Variants in CCNB3 observed in about 807,000 individuals in gnomAD.
The protein encoded by CCNB3 is cyclin B3, also known as G2/mitotic-specific cyclin-B3.
CCNB3 carries 12 observed loss-of-function variants against 68.0 expected under a neutral mutation model. The ratio of observed to expected loss-of-function variants is 0.18; its 90% confidence interval spans 0.11 to 0.29. The LOEUF is 0.29. Ranked by LOEUF, CCNB3 falls within the 10% of genes least tolerant of loss-of-function variation. The pLI is 1.00. For missense variants in CCNB3, 904 were observed against 993.1 expected (o/e 0.91, Z 1.21); for synonymous variants, 354 against 388.9 (o/e 0.91, Z 1.06).
At chrX:50,343,994 C>T (rs1015987664) in intron 9 of CCNB3, among the ~76,000 whole-genome samples, 1 of 112,278 alleles carries the variant, frequency 8.9e-6, no homozygotes, top group Non-Finnish European at 1.9e-5. Context: ...TCACCCAGAG[C>T]AACTTCTACT....
intron 11 of CCNB3, 38 bp from the exon 12 acceptor site, chrX:50,351,203 C>T (rs372346691): frequency 3.3e-6 from 4 of 1,205,259 alleles, no homozygotes; most frequent in Non-Finnish European, 4.5e-6. Context: ...CGGTGTGCTT[C>T]CTATAGTAGA....
intron 8 of CCNB3, among the ~76,000 whole-genome samples, chrX:50,321,198 A>G (rs1557216523): frequency 8.9e-6 from 1 of 111,885 alleles, no homozygotes; most frequent in African/African-American, 3.2e-5. Context: ...CCATTACTGA[A>G]TGAAAATGCT....
chrX:50,226,190 A>AATATATATGGAATATATATATTT (rs1935768653), intron 1 of CCNB3, among the ~76,000 whole-genome samples: 3 of 28,647 alleles, frequency 1.0e-4, no homozygotes, highest in East Asian at 9.8e-4. Context: ...TAGATATATA[A>AATATATATGGAATATATATATTT]ATATATATAG....
At chrX:50,297,380 A>C (rs1216356762) in intron 5 of CCNB3, among the ~76,000 whole-genome samples, 16 of 111,912 alleles carry the variant, frequency 1.4e-4, no homozygotes, top group South Asian at 7.5e-4. Context: ...CATTTATTAA[A>C]TAGGGAATCC....
At chrX:50,217,196 G>A (rs1036276996) in intron 1 of CCNB3, among the ~76,000 whole-genome samples, 1 of 105,573 alleles carries the variant, frequency 9.5e-6, no homozygotes, top group African/African-American at 3.5e-5. Flanking sequence ...TTCTATTGGG[G>A]TAGATTTACT....
intron 7 of CCNB3, among the ~76,000 whole-genome samples, chrX:50,312,944 G>A (rs1262624360): frequency 9.0e-6 from 1 of 110,946 alleles, no homozygotes; most frequent in Non-Finnish European, 1.9e-5. Context: ...TTGCCTTGAA[G>A]ACCATAATCC....
intron 8 of CCNB3, among the ~76,000 whole-genome samples, chrX:50,326,440 A>C (rs1557217305): frequency 9.0e-6 from 1 of 111,654 alleles, no homozygotes; most frequent in Admixed American, 9.5e-5. Context: ...ATTTTTTGAC[A>C]TTATTACCCG....
intron 4 of CCNB3, among the ~76,000 whole-genome samples, chrX:50,293,216 A>G (rs1282069762): frequency 3.6e-5 from 4 of 111,153 alleles, no homozygotes; most frequent in African/African-American, 1.3e-4. Flanking sequence ...TCATGGTGAT[A>G]TCCCCCTTAT....
intron 1 of CCNB3, among the ~76,000 whole-genome samples, chrX:50,226,968 AATATATATAGT>A (rs1357957899): frequency 6.6e-5 from 5 of 75,587 alleles, no homozygotes; most frequent in African/African-American, 2.9e-4. Flanking sequence ...ATATATATAG[AATATATATAGT>A]ATATATATAG....
chrX:50,314,412 A>C (rs782754104), intron 8 of CCNB3, among the ~76,000 whole-genome samples: 1 of 111,422 alleles, frequency 9.0e-6, no homozygotes, highest in South Asian at 3.8e-4. Flanking sequence ...ATACTTAATT[A>C]TTATTTTATA....
At chrX:50,303,208 C>A (rs1301228884) in intron 5 of CCNB3, among the ~76,000 whole-genome samples, 2 of 111,538 alleles carry the variant, frequency 1.8e-5, no homozygotes, top group Admixed American at 1.9e-4. Flanking sequence ...GGAAATGGTG[C>A]AATCTTGGCT....
At chrX:50,300,519 G>T (rs1277889995) in intron 5 of CCNB3, among the ~76,000 whole-genome samples, 10 of 111,862 alleles carry the variant, frequency 8.9e-5, no homozygotes, top group African/African-American at 2.9e-4. Context: ...AGTCTGATGG[G>T]CTTCCCTTTG....
At chrX:50,203,419 A>G (rs1385095178), upstream of CCNB3, among the ~76,000 whole-genome samples, 1 of 112,289 alleles carries the variant, frequency 8.9e-6, no homozygotes, top group Non-Finnish European at 1.9e-5. Flanking sequence ...TGATGACACA[A>G]TGACCATTTA....
At chrX:50,345,024 C>T (rs1923329562) in intron 9 of CCNB3, among the ~76,000 whole-genome samples, 1 of 109,276 alleles carries the variant, frequency 9.2e-6, no homozygotes, top group Admixed American at 9.8e-5. Context: ...GCCTTCCTCT[C>T]CTCCCCAAAC....
At chrX:50,296,524 A>G (rs1236807439) in intron 5 of CCNB3, among the ~76,000 whole-genome samples, 2 of 42,028 alleles carry the variant, frequency 4.8e-5, no homozygotes, top group African/African-American at 9.8e-5. Context: ...AATCCAGTCT[A>G]TCATTGTTGG....
At chrX:50,228,844 T>A (rs1295162860) in intron 1 of CCNB3, among the ~76,000 whole-genome samples, 1 of 58,328 alleles carries the variant, frequency 1.7e-5, no homozygotes, top group Non-Finnish European at 3.0e-5. Flanking sequence ...AATACATATA[T>A]AGAATATATA....
intron 1 of CCNB3, among the ~76,000 whole-genome samples, chrX:50,226,422 G>GTAGAATATATAAAAATATATA (rs1935804242): frequency 5.3e-4 from 2 of 3,787 alleles, no homozygotes; most frequent in Non-Finnish European, 9.1e-4. Flanking sequence ...GAATATATAT[G>GTAGAATATATAAAAATATATA]TAGAATATAT....
At chrX:50,220,881 C>T (rs950695334) in intron 1 of CCNB3, among the ~76,000 whole-genome samples, 26 of 111,247 alleles carry the variant, frequency 2.3e-4, no homozygotes, top group South Asian at 1.1e-3. Flanking sequence ...TGGTAGAATG[C>T]GGTTGTGAAT....
chrX:50,294,196 C>T (rs1485203896), intron 4 of CCNB3, among the ~76,000 whole-genome samples: 2 of 111,314 alleles, frequency 1.8e-5, no homozygotes, highest in Non-Finnish European at 3.8e-5. Flanking sequence ...CCACCATGGC[C>T]TCTCAAAGTG....
Sources: allele counts gnomAD v4.1 joint callset (sites outside exome capture counted in the v4.1 genomes callset), GRCh38; gene constraint gnomAD v4.1.1; transcripts MANE v1.5; gene names NCBI Gene and HGNC (gene_info 2026-07-23, HGNC 2026-07-21).